The following FGF13 variants were observed in gnomAD, a reference collection of about 807,000 sequenced individuals.
FGF13 encodes the protein fibroblast growth factor 13, also known as fibroblast growth factor homologous factor 2.
A neutral mutation model predicts 19.5 loss-of-function variants in FGF13; 2 were observed. That is an observed-to-expected ratio of 0.10 (90% CI 0.04 to 0.32). FGF13 has a LOEUF of 0.32. Ranked by LOEUF, FGF13 falls within the 10% of genes least tolerant of loss-of-function variation. FGF13 has a pLI of 1.00. For synonymous variants in FGF13, 72 were observed against 76.9 expected, an observed-to-expected ratio of 0.94 and a Z score of 0.33; for missense variants, 113 against 192.7, an observed-to-expected ratio of 0.59 and a Z score of 2.45.
At chrX:138,845,314 A>G (rs936599399) in intron 3 of FGF13, among the ~76,000 whole-genome samples, 7 of 111,539 alleles carry the variant, frequency 6.3e-5, no homozygotes, top group African/African-American at 2.3e-4. Context: ...TGGCTTGTGC[A>G]AGACACTCAA....
intron 1 of FGF13, among the ~76,000 whole-genome samples, chrX:139,155,861 A>T (rs1388864300): frequency 8.9e-6 from 1 of 112,132 alleles, no homozygotes; most frequent in African/African-American, 3.2e-5. Context: ...GTCTTCTGGA[A>T]CTTGTCCTCC....
intron 1 of FGF13, among the ~76,000 whole-genome samples, chrX:139,029,175 A>G (rs1054155452): frequency 1.4e-4 from 16 of 111,993 alleles, no homozygotes; most frequent in African/African-American, 5.2e-4. Flanking sequence ...CCAGATAAGT[A>G]AAGTGATTAT....
chrX:139,008,240 A>G, intron 1 of FGF13, among the ~76,000 whole-genome samples: 1 of 111,810 alleles, frequency 8.9e-6, no homozygotes, highest in Non-Finnish European at 1.9e-5. Context: ...GACAAAGATC[A>G]TAATCTCTCT....
chrX:139,124,018 C>A (rs2124473857), intron 1 of FGF13, among the ~76,000 whole-genome samples: 1 of 112,106 alleles, frequency 8.9e-6, no homozygotes, highest in African/African-American at 3.2e-5. Context: ...GTTATTCAAA[C>A]CGACCAATCA....
chrX:138,865,432 TTCTC>T (rs1304504230), intron 1 of FGF13, among the ~76,000 whole-genome samples: 11 of 99,041 alleles, frequency 1.1e-4, no homozygotes, highest in Admixed American at 2.1e-4. Context: ...CCTCTCTCTC[TTCTC>T]TCTCTCTCTC....
At chrX:139,104,105 G>A (rs191465458) in intron 1 of FGF13, among the ~76,000 whole-genome samples, 5 of 111,516 alleles carry the variant, frequency 4.5e-5, no homozygotes, top group East Asian at 2.9e-4. Flanking sequence ...TGATAAAAAT[G>A]TATTAATGTT....
intron 1 of FGF13, among the ~76,000 whole-genome samples, chrX:138,958,572 A>G (rs1238042411): frequency 9.0e-6 from 1 of 111,696 alleles, no homozygotes; most frequent in Non-Finnish European, 1.9e-5. Context: ...TTTTCTATTG[A>G]TTGGAATAGT....
rs192901940 is a variant in FGF13, at chrX:138,839,315, T to C, written c.217+18197A>G. On this transcript the variant is annotated intron_variant, in intron 3 of 6. Coordinates refer to the FGF13 transcript ENST00000436198. ...CATTAAAAAAAAATTTTCCACTCTA[T>C]GGTATTCTTTTATAGCAGCAGAAAA... Among the ~76,000 whole-genome samples, 16 of 111,175 alleles carry C rather than the reference T, an allele frequency of 1.4e-4. No homozygotes were observed. The East Asian group carries it at 4.0e-3, about 28-fold the overall frequency.
intron 3 of FGF13, among the ~76,000 whole-genome samples, chrX:138,808,150 A>T (rs2090888020): frequency 8.9e-6 from 1 of 111,988 alleles, no homozygotes; most frequent in Admixed American, 9.5e-5. Context: ...TCTTCTCCGC[A>T]CCACATCGCA....
At chrX:138,896,426 T>A (rs2091504629) in intron 1 of FGF13, among the ~76,000 whole-genome samples, 1 of 111,782 alleles carries the variant, frequency 8.9e-6, no homozygotes, top group African/African-American at 3.3e-5. Context: ...TACTTTTCTT[T>A]CACCAACCAG....
chrX:139,084,096 G>T (rs5976265), intron 1 of FGF13, among the ~76,000 whole-genome samples: 26,135 of 108,225 alleles, frequency 0.24, 3,151 homozygotes, highest in African/African-American at 0.46. Flanking sequence ...AGATAATGGA[G>T]GTAACAGTAG....
At chrX:138,693,401 C>A (rs1455508248) in intron 3 of FGF13, among the ~76,000 whole-genome samples, 1 of 111,673 alleles carries the variant, frequency 9.0e-6, no homozygotes, top group Non-Finnish European at 1.9e-5. Flanking sequence ...GCTCTTTGAG[C>A]TAGCAGATCC....
At chrX:138,987,372 AC>A (rs2091998492) in intron 1 of FGF13, among the ~76,000 whole-genome samples, 1 of 111,708 alleles carries the variant, frequency 9.0e-6, no homozygotes, top group African/African-American at 3.3e-5. Flanking sequence ...TATTCTGAAT[AC>A]TCTGCCAGAA....
chrX:138,849,221 A>T (rs1036142043), intron 3 of FGF13, among the ~76,000 whole-genome samples: 1 of 111,658 alleles, frequency 9.0e-6, no homozygotes, highest in African/African-American at 3.3e-5. Context: ...TTTACCACTG[A>T]ACTGCCTAAG....
rs766060760 is a variant in FGF13 at position 138,626,593 on chromosome X, T to C, written c.*6257A>G. 2 of 112,102 alleles carry C rather than the reference T, an allele frequency of 1.8e-5. No individual in the cohort carries two copies. Among genetic ancestry groups the C allele is most frequent in the African/African-American group, 6.5e-5 (2 of 30,886 alleles). The allele number at this position is 112,102 out of a possible 1,213,427, so 9.2% of individuals were successfully genotyped here. Reference sequence around the variant, plus strand: ...ACACTGAGAGTTTGTAGAAAGATCATGCAAATTCCGCTTTTAGTACAGTTA... The same window carrying C: ...ACACTGAGAGTTTGTAGAAAGATCACGCAAATTCCGCTTTTAGTACAGTTA... On this transcript the variant is annotated 3_prime_UTR_variant, in exon 5 of 5. Coordinates refer to ENST00000315930, the MANE Select transcript of FGF13 (RefSeq NM_004114.5).
intron 1 of FGF13, among the ~76,000 whole-genome samples, chrX:138,903,193 C>G (rs1488144709): frequency 9.0e-6 from 1 of 111,523 alleles, no homozygotes; most frequent in Admixed American, 9.6e-5. Context: ...GAAAGGAAGA[C>G]AAGAAAACTG....
chrX:138,994,663 G>A (rs2092033425), intron 1 of FGF13, among the ~76,000 whole-genome samples: 1 of 110,563 alleles, frequency 9.0e-6, no homozygotes, highest in Non-Finnish European at 1.9e-5. Context: ...TACAGGCTTA[G>A]AAAACACCCC....
At chrX:138,716,006 C>G (rs1481011020), upstream of FGF13, 2 of 112,189 alleles carry the variant, frequency 1.8e-5, no homozygotes, top group East Asian at 5.6e-4. Flanking sequence ...AGAACTCAGA[C>G]AGCCTAATCG....
chrX:138,861,595 A>T (rs7890160), intron 2 of FGF13, among the ~76,000 whole-genome samples: 11,903 of 111,971 alleles, frequency 0.11, 1,542 homozygotes, highest in African/African-American at 0.37. Context: ...GTTTTAAAAC[A>T]TAAGGAAAAT....
Sources: gnomAD v4.1 joint callset for allele counts (sites outside exome capture counted in the v4.1 genomes callset) on GRCh38, gnomAD v4.1.1 for gene constraint, MANE v1.5 for transcripts, NCBI Gene and HGNC (gene_info 2026-07-23, HGNC 2026-07-21) for gene names.